The following GNB1 variants were observed in gnomAD, a reference collection of about 807,000 sequenced individuals.
The protein encoded by GNB1 is G protein subunit beta 1, also known as guanine nucleotide-binding protein G(I)/G(S)/G(T) subunit beta-1.
A neutral mutation model predicts 42.9 loss-of-function variants in GNB1; 2 were observed. The observed-to-expected ratio is 0.05, with a 90% CI of 0.02 to 0.15. The LOEUF (loss-of-function observed/expected upper bound fraction) is 0.15, where lower values mean the gene tolerates loss of function less well. Ranked by LOEUF, GNB1 falls within the 10% of genes least tolerant of loss-of-function variation. The pLI, the probability that GNB1 is intolerant of heterozygous loss-of-function variation, is 1.00. For synonymous variants in GNB1, 183 were observed against 174.7 expected (o/e 1.05, Z -0.38); for missense variants, 193 against 462.2 (o/e 0.42, Z 5.34).
intron 5 of GNB1, 79 bp downstream of exon 5, chr1:1,815,677 G>C (rs1646844042): frequency 1.3e-6 from 1 of 767,750 alleles, no homozygotes; most frequent in Non-Finnish European, 2.3e-6. Flanking sequence ...ACAGCAAATG[G>C]GTTCAGGTAC....
At chr1:1,845,811 G>C (rs1647618060) in intron 1 of GNB1, among the ~76,000 whole-genome samples, 1 of 136,014 alleles carries the variant, frequency 7.4e-6, no homozygotes, top group East Asian at 2.2e-4. Context: ...AGAATCATTT[G>C]TGTGTAAGTC....
At position 1,787,404 on chromosome 1, in the gene GNB1, C is replaced by G. The variant is rs1488431543; in HGVS notation, c.950G>C (p.Cys317Ser). The G allele has an allele frequency of 2.5e-6, 4 of 1,613,592 alleles. No homozygotes were observed. The change falls in exon 11 of 12, where the codon TGC becomes TCC. Residue 317 changes from cysteine to serine, a missense_variant. By Grantham distance (112) the Cys-to-Ser change is moderately radical (BLOSUM62 -1). Around this residue, in one of 2 missense-constraint regions of GNB1, gnomAD observed 150 missense variants for 410.8 expected, o/e 0.37. Transcript: ENST00000378609. The surrounding 1 kb of genome is among the most constrained non-coding windows in gnomAD (Gnocchi z 4.4). Reference protein sequence around the residue: ...VLAGHDNRVSCLGVTDDGMAV... With the variant: ...VLAGHDNRVSSLGVTDDGMAV... ...CATGCCATCGTCAGTCACGCCCAGG[C>G]AGCTGACGCGGTTGTCATGCCCAGC...
chr1:1,820,893 C>T (rs1646923007), intron 3 of GNB1, among the ~76,000 whole-genome samples: 1 of 152,182 alleles, frequency 6.6e-6, no homozygotes. Context: ...AGAACAGACA[C>T]CTTCAACTTT....
chr1:1,868,433 G>A (rs922315214), intron 1 of GNB1, among the ~76,000 whole-genome samples: 17 of 152,204 alleles, frequency 1.1e-4, no homozygotes, highest in African/African-American at 4.1e-4. Context: ...GCCTCCCAAA[G>A]CGCTGGGATT....
intron 1 of GNB1, among the ~76,000 whole-genome samples, chr1:1,859,415 G>A (rs1224473756): frequency 6.6e-6 from 1 of 152,150 alleles, no homozygotes; most frequent in Non-Finnish European, 1.5e-5. Context: ...TGGGCGTGGT[G>A]GCTCATGTGA....
At chr1:1,854,442 T>C (rs1275767955) in intron 1 of GNB1, among the ~76,000 whole-genome samples, 2 of 152,204 alleles carry the variant, frequency 1.3e-5, no homozygotes, top group African/African-American at 4.8e-5. Flanking sequence ...GTCCAACTGC[T>C]ATCCTTCTCT....
intron 1 of GNB1, among the ~76,000 whole-genome samples, chr1:1,866,910 C>G (rs892058375): frequency 6.6e-6 from 1 of 150,756 alleles, no homozygotes; most frequent in African/African-American, 2.4e-5. Context: ...GCTGAGATCG[C>G]GCCACTGCAC....
At chr1:1,852,941 T>A (rs779447159) in intron 1 of GNB1, among the ~76,000 whole-genome samples, 4 of 152,114 alleles carry the variant, frequency 2.6e-5, no homozygotes, top group Non-Finnish European at 4.4e-5. Context: ...GTACCCCAGT[T>A]CCTAGAAAGC....
chr1:1,838,216 G>A (rs1647177501), intron 2 of GNB1, among the ~76,000 whole-genome samples: 1 of 151,912 alleles, frequency 6.6e-6, no homozygotes, highest in Non-Finnish European at 1.5e-5. Flanking sequence ...AGAAAAAAAA[G>A]AATATCCAAT....
At chr1:1,817,726 C>T in intron 4 of GNB1, 111 bp downstream of exon 4, 1 of 679,172 alleles carries the variant, frequency 1.5e-6, no homozygotes, top group East Asian at 2.6e-5. Flanking sequence ...GGCTTGGCAT[C>T]CTCACTGCGC....
intron 8 of GNB1, among the ~76,000 whole-genome samples, chr1:1,792,157 A>T (rs1015882009): frequency 4.6e-5 from 7 of 152,226 alleles, no homozygotes; most frequent in Non-Finnish European, 1.0e-4. Flanking sequence ...AAATGAAAAA[A>T]TTCTAGCATT....
intron 2 of GNB1, among the ~76,000 whole-genome samples, chr1:1,838,226 T>C (rs565271875): frequency 2.0e-5 from 3 of 152,126 alleles, no homozygotes; most frequent in South Asian, 2.1e-4. Context: ...GAATATCCAA[T>C]TGTTCCAGCC....
intron 3 of GNB1, among the ~76,000 whole-genome samples, chr1:1,821,045 G>C (rs1646924579): frequency 6.6e-6 from 1 of 152,314 alleles, no homozygotes; most frequent in South Asian, 2.1e-4. Context: ...ACTTAAACCA[G>C]AGATGAACAT....
chr1:1,792,941 C>A (rs1323261645), intron 8 of GNB1, among the ~76,000 whole-genome samples: 3 of 151,824 alleles, frequency 2.0e-5, no homozygotes, highest in Non-Finnish European at 4.4e-5. Context: ...TGGCGGGCAC[C>A]TGTAATCCCA....
Position 1,787,440 on chromosome 1 carries a change from G to A in GNB1, c.917-3C>T. ...GTTGTCATGCCCAGCCAAGACACCT[G>A]GGAGCAAACAACAGCAGAATCACAC... is the stretch of plus-strand genomic sequence containing the variant. On this transcript the variant is annotated splice_region_variant and splice_polypyrimidine_tract_variant and intron_variant, in intron 10 of 11. Transcript: ENST00000378609. The surrounding 1 kb of genome is among the most constrained non-coding windows in gnomAD (Gnocchi z 4.4). 6.3e-7 allele frequency: 1 copy of A among 1,586,882 alleles called. No individual in the cohort carries two copies. The highest frequency in any genetic ancestry group is 8.7e-7 in the Non-Finnish European group (1 of 1,155,608).
chr1:1,875,362 T>G (rs138967540), intron 1 of GNB1, among the ~76,000 whole-genome samples: 1 of 151,892 alleles, frequency 6.6e-6, no homozygotes, highest in Admixed American at 6.6e-5. Context: ...CCACTAAACT[T>G]TTGTGTTTTT....
At chr1:1,876,079 AG>A (rs917165772) in intron 1 of GNB1, among the ~76,000 whole-genome samples, 35 of 152,320 alleles carry the variant, frequency 2.3e-4, no homozygotes, top group African/African-American at 8.4e-4. Context: ...GAAAGAAGAA[AG>A]GAAGTGTCCT....
chr1:1,883,920 T>G (rs1649996666), intron 1 of GNB1, among the ~76,000 whole-genome samples: 1 of 151,962 alleles, frequency 6.6e-6, no homozygotes, highest in Admixed American at 6.6e-5. Context: ...TTCTGAAACC[T>G]ATTGTAGACT....
intron 1 of GNB1, among the ~76,000 whole-genome samples, chr1:1,847,632 C>A (rs769645046): frequency 2.8e-4 from 42 of 152,168 alleles, no homozygotes; most frequent in Non-Finnish European, 5.1e-4. Flanking sequence ...GCTGAAGATG[C>A]CAAGGTTGTT....
Sources: gnomAD v4.1 joint callset for allele counts (sites outside exome capture counted in the v4.1 genomes callset) on GRCh38, gnomAD v4.1.1 for gene constraint, gnomAD v4.1.1 regional missense constraint, Gnocchi (gnomAD v3.1) non-coding constraint, MANE v1.5 for transcripts, NCBI Gene and HGNC (gene_info 2026-07-23, HGNC 2026-07-21) for gene names.